TMEM74: variants seen among roughly 807,000 people sequenced by gnomAD.
TMEM74 encodes transmembrane protein 74.
TMEM74 carries 13 observed loss-of-function variants against 18.1 expected under a neutral mutation model. The observed-to-expected ratio is 0.72, with a 90% CI of 0.47 to 1.14. The LOEUF is 1.14. Ranked by LOEUF, TMEM74 falls within the 50% of genes most tolerant of loss-of-function variation. The pLI is 0.00. For missense variants in TMEM74, 372 were observed against 375.9 expected, an observed-to-expected ratio of 0.99 and a Z score of 0.09; for synonymous variants, 159 against 146.6, an observed-to-expected ratio of 1.08 and a Z score of -0.61.
chr8:108,687,368 T>C (rs202233548), intron 1 of TMEM74, among the ~76,000 whole-genome samples: 5 of 122,542 alleles, frequency 4.1e-5, no homozygotes, highest in African/African-American at 1.6e-4. Context: ...CTGGGAGAAT[T>C]TGCGGCAAAC....
At chr8:108,643,367 G>A (rs1279364456) in intron 2 of TMEM74, among the ~76,000 whole-genome samples, 1 of 152,174 alleles carries the variant, frequency 6.6e-6, no homozygotes, top group Non-Finnish European at 1.5e-5. Context: ...GGAGTGTTAG[G>A]CTGAGCTAAA....
chr8:108,764,304 G>A (rs181261836), intron 1 of TMEM74, among the ~76,000 whole-genome samples: 301 of 152,278 alleles, frequency 2.0e-3, no homozygotes, highest in Non-Finnish European at 2.7e-3. Flanking sequence ...GGCTGGACAT[G>A]TTCTATAGTC....
intron 1 of TMEM74, among the ~76,000 whole-genome samples, chr8:108,672,579 G>A (rs961238157): frequency 6.6e-6 from 1 of 152,170 alleles, no homozygotes. Context: ...TCTATAAAGG[G>A]CTGTTTGTTC....
At chr8:108,706,880 C>T (rs1297114297) in intron 1 of TMEM74, among the ~76,000 whole-genome samples, 1 of 150,356 alleles carries the variant, frequency 6.7e-6, no homozygotes, top group African/African-American at 2.4e-5. Flanking sequence ...GATAAAAGTA[C>T]AAAATAAAAA....
intron 1 of TMEM74, among the ~76,000 whole-genome samples, chr8:108,747,495 C>T (rs1157354587): frequency 2.0e-5 from 3 of 151,988 alleles, no homozygotes; most frequent in African/African-American, 7.3e-5. Context: ...TGCATGTGGC[C>T]AGCCTACTTG....
chr8:108,610,748 A>G (rs1812326274), intron 2 of TMEM74, among the ~76,000 whole-genome samples: 1 of 152,182 alleles, frequency 6.6e-6, no homozygotes, highest in South Asian at 2.1e-4. Flanking sequence ...GACAGCAGGT[A>G]GGGGAGAAAG....
Position 108,786,652 on chromosome 8 carries a change from A to T in TMEM74, c.-40+824T>A, listed in dbSNP as rs556960936. 2.6e-5 allele frequency among the ~76,000 whole-genome samples: 4 copies of T among 152,346 alleles called. No homozygotes were observed. In the East Asian group the frequency reaches 7.7e-4, roughly 29 times the overall value. ...ACAACAGGGCAAAAGAATCACTACT[A>T]AACTAGAACAAACCCCCACTAAAGG... On this transcript the variant is annotated intron_variant, in intron 1 of 1. Transcript: ENST00000297459.
At chr8:108,642,391 CAAA>C (rs34602005) in intron 2 of TMEM74, among the ~76,000 whole-genome samples, 1 of 63,462 alleles carries the variant, frequency 1.6e-5, no homozygotes, top group Admixed American at 1.8e-4. Context: ...GACTCCATCT[CAAA>C]AAAAAAAAAA....
Position 108,731,871 on chromosome 8 carries a change from T to G in TMEM74, n.119+55605A>C, listed in dbSNP as rs186129962. Among the ~76,000 whole-genome samples, 666 of 148,974 alleles carry G rather than the reference T, an allele frequency of 4.5e-3. 4 individuals are homozygous for G. The highest frequency in any genetic ancestry group is 7.9e-3 in the Non-Finnish European group (527 of 66,742). ...GTTTTCACAAAAGGATCTATAGCTC[T>G]TCCTGAGAATCTACACCACATAAAA... On this transcript the variant is annotated intron_variant and non_coding_transcript_variant, in intron 1 of 3. Transcript: ENST00000518838.
intron 1 of TMEM74, among the ~76,000 whole-genome samples, chr8:108,771,615 T>C (rs968381365): frequency 6.6e-6 from 1 of 152,192 alleles, no homozygotes. Flanking sequence ...AATGTTACTT[T>C]ATAAACATTT....
chr8:108,656,152 T>C (rs1812819337), intron 1 of TMEM74, among the ~76,000 whole-genome samples: 1 of 152,192 alleles, frequency 6.6e-6, no homozygotes, highest in South Asian at 2.1e-4. Context: ...TTGGTGAGTT[T>C]CGAAGGAGAA....
chr8:108,735,452 A>G (rs750788291), intron 1 of TMEM74, among the ~76,000 whole-genome samples: 38 of 152,198 alleles, frequency 2.5e-4, no homozygotes, highest in Admixed American at 1.6e-3. Context: ...TATGAGTAGA[A>G]TCATTTAGTA....
chr8:108,679,185 G>A (rs1322704686), intron 1 of TMEM74, among the ~76,000 whole-genome samples: 2 of 152,044 alleles, frequency 1.3e-5, no homozygotes, highest in Non-Finnish European at 2.9e-5. Flanking sequence ...CTTTGCTATT[G>A]TGAATAGTGC....
At chr8:108,672,509 G>A (rs1813013562) in intron 1 of TMEM74, among the ~76,000 whole-genome samples, 1 of 152,120 alleles carries the variant, frequency 6.6e-6, no homozygotes, top group African/African-American at 2.4e-5. Context: ...GGACTATGTT[G>A]TGGGGACCAG....
intron 1 of TMEM74, among the ~76,000 whole-genome samples, chr8:108,692,824 A>T (rs1027988776): frequency 1.3e-5 from 2 of 152,212 alleles, no homozygotes; most frequent in African/African-American, 4.8e-5. Flanking sequence ...TATTTGCATG[A>T]TAATTGCCTG....
At chr8:108,651,955 A>G (rs2130572124) in intron 2 of TMEM74, among the ~76,000 whole-genome samples, 1 of 151,990 alleles carries the variant, frequency 6.6e-6, no homozygotes, top group African/African-American at 2.4e-5. Context: ...AAAAAAAAAA[A>G]TCCTAGTGCA....
At chr8:108,697,552 G>T (rs536153387) in intron 1 of TMEM74, among the ~76,000 whole-genome samples, 2 of 151,982 alleles carry the variant, frequency 1.3e-5, no homozygotes, top group Non-Finnish European at 2.9e-5. Context: ...TATGTAGCTG[G>T]GACCACAGGC....
In TMEM74 at chr8:108,781,882, A is replaced by G. The variant is rs947551812; in HGVS notation, c.*2299T>C. Among the ~76,000 whole-genome samples, 1 of 152,202 alleles carries G rather than the reference A, an allele frequency of 6.6e-6. No individual in the cohort carries two copies. The highest frequency in any genetic ancestry group is 1.5e-5 in the Non-Finnish European group (1 of 68,036). ...GATTCATTAAATGCTTCCACATGAAAAGCTTTATTATCAAGTGAAAAGACC... is the reference window on the plus strand; with the variant it reads ...GATTCATTAAATGCTTCCACATGAAGAGCTTTATTATCAAGTGAAAAGACC... On this transcript the variant is annotated 3_prime_UTR_variant, in exon 2 of 2. Coordinates refer to ENST00000297459, the MANE Select transcript of TMEM74 (RefSeq NM_153015.3).
intron 1 of TMEM74, among the ~76,000 whole-genome samples, chr8:108,693,280 A>G (rs1283098667): frequency 1.3e-5 from 2 of 152,122 alleles, no homozygotes; most frequent in Admixed American, 6.5e-5. Context: ...GAAGTAAAAT[A>G]ACAACAAAAA....
Sources: gnomAD v4.1 joint callset for allele counts (sites outside exome capture counted in the v4.1 genomes callset) on GRCh38, gnomAD v4.1.1 for gene constraint, MANE v1.5 for transcripts, NCBI Gene and HGNC (gene_info 2026-07-23, HGNC 2026-07-21) for gene names.